ZBBX: variants seen among roughly 807,000 people sequenced by gnomAD.
The protein encoded by ZBBX is zinc finger B-box domain containing.
A neutral mutation model predicts 108.5 loss-of-function variants in ZBBX; 101 were observed. The ratio of observed to expected loss-of-function variants is 0.93; its 90% CI spans 0.79 to 1.10. ZBBX has a LOEUF of 1.10. ZBBX is among the 50% of genes least tolerant of loss of function. The probability of loss-of-function intolerance (pLI) is 0.00; values close to 1 mark genes in which losing one functional copy is unlikely to be tolerated. For missense variants in ZBBX, 1,009 were observed against 941.4 expected, an observed-to-expected ratio of 1.07 and a Z score of -0.94; for synonymous variants, 356 against 323.4, an observed-to-expected ratio of 1.10 and a Z score of -1.08.
chr3:167,243,218 T>C (rs1427574437), intron 20 of ZBBX, among the ~76,000 whole-genome samples: 1 of 152,228 alleles, frequency 6.6e-6, no homozygotes, highest in Non-Finnish European at 1.5e-5. Flanking sequence ...ACAAAGTCTT[T>C]AGGCAAATGT....
chr3:167,231,966 T>C, the ZBBX span, among the ~76,000 whole-genome samples: 2 of 151,870 alleles, frequency 1.3e-5, no homozygotes, highest in Non-Finnish European at 2.9e-5. Context: ...TTTTTACTTC[T>C]ACTTTCCAGA....
chr3:167,348,384 AAAG>A (rs763834018), intron 9 of ZBBX, among the ~76,000 whole-genome samples: 16 of 146,978 alleles, frequency 1.1e-4, no homozygotes, highest in South Asian at 2.2e-4. Context: ...AAAGAAAAGA[AAAG>A]AAGAAGGAGG....
At chr3:167,202,675 C>T in the ZBBX span, among the ~76,000 whole-genome samples, 1 of 152,034 alleles carries the variant, frequency 6.6e-6, no homozygotes, top group African/African-American at 2.4e-5. Context: ...TGTTTTAAAA[C>T]CCTGAAAATG....
At chr3:167,317,796 G>A (rs1372851843) in intron 12 of ZBBX, among the ~76,000 whole-genome samples, 199 bp from the exon 13 acceptor site, 4 of 151,902 alleles carry the variant, frequency 2.6e-5, no homozygotes, top group African/African-American at 4.8e-5. Context: ...AAATCAACTT[G>A]ACATCACAGA....
chr3:167,223,990 C>T, the ZBBX span, among the ~76,000 whole-genome samples: 1 of 151,884 alleles, frequency 6.6e-6, no homozygotes, highest in Admixed American at 6.6e-5. Flanking sequence ...ATGCCTGAAG[C>T]ACTTTAACCT....
At chr3:167,261,584 A>G (rs1051137996) in intron 20 of ZBBX, among the ~76,000 whole-genome samples, 1 of 151,732 alleles carries the variant, frequency 6.6e-6, no homozygotes, top group African/African-American at 2.4e-5. Context: ...GCCTCTGCTG[A>G]GTCATGCAGG....
intron 6 of ZBBX, among the ~76,000 whole-genome samples, chr3:167,363,507 C>T (rs761105224): frequency 5.9e-5 from 9 of 151,868 alleles, no homozygotes; most frequent in Non-Finnish European, 1.2e-4. Flanking sequence ...TTTCTTGTCT[C>T]ACACACACAC....
chr3:167,270,772 C>G (rs1188603345), intron 20 of ZBBX, among the ~76,000 whole-genome samples: 1 of 152,202 alleles, frequency 6.6e-6, no homozygotes, highest in Non-Finnish European at 1.5e-5. Context: ...CTTACTGACT[C>G]CAGAATCCTG....
At chr3:167,339,882 A>G (rs1485839970) in intron 9 of ZBBX, among the ~76,000 whole-genome samples, 1 of 151,896 alleles carries the variant, frequency 6.6e-6, no homozygotes, top group Non-Finnish European at 1.5e-5. Context: ...ATGTGTTCTC[A>G]TTGTTCAACT....
chr3:167,248,247 G>A (rs4955766), intron 20 of ZBBX, among the ~76,000 whole-genome samples: 108,024 of 151,918 alleles, frequency 0.71, 38,722 homozygotes, highest in East Asian at 0.83. Context: ...AAGCTGCGAC[G>A]GTAACCATGA....
the ZBBX span, among the ~76,000 whole-genome samples, chr3:167,206,188 T>C: frequency 6.6e-6 from 1 of 152,118 alleles, no homozygotes; most frequent in Non-Finnish European, 1.5e-5. Context: ...TCCATTTCTA[T>C]GTATTTGACT....
At chr3:167,274,676 G>A (rs1727162842) in intron 20 of ZBBX, among the ~76,000 whole-genome samples, 1 of 152,082 alleles carries the variant, frequency 6.6e-6, no homozygotes, top group Non-Finnish European at 1.5e-5. Flanking sequence ...ACTCACATCT[G>A]TTCCCTTGGT....
intron 8 of ZBBX, among the ~76,000 whole-genome samples, chr3:167,358,566 G>C (rs555198712): frequency 6.6e-6 from 1 of 152,104 alleles, no homozygotes; most frequent in African/African-American, 2.4e-5. Context: ...CATGAAATTG[G>C]TACCAATGAG....
chr3:167,239,026 A>G (rs1720348512), downstream of ZBBX, among the ~76,000 whole-genome samples: 1 of 151,992 alleles, frequency 6.6e-6, no homozygotes, highest in African/African-American at 2.4e-5. Context: ...CAGTTGATCT[A>G]TCTATAGAAA....
chr3:167,314,631 A>G (rs1735132818), intron 15 of ZBBX, among the ~76,000 whole-genome samples: 1 of 152,206 alleles, frequency 6.6e-6, no homozygotes, highest in Non-Finnish European at 1.5e-5. Context: ...AATACCTGAT[A>G]TTTATATAAG....
chr3:167,220,279 C>CA, the ZBBX span, among the ~76,000 whole-genome samples: 2 of 151,648 alleles, frequency 1.3e-5, no homozygotes, highest in African/African-American at 4.8e-5. Context: ...GAAGACACAT[C>CA]AAAAAAAGAA....
chr3:167,325,134 A>G (rs560169504), intron 11 of ZBBX, among the ~76,000 whole-genome samples: 1 of 152,248 alleles, frequency 6.6e-6, no homozygotes, highest in South Asian at 2.1e-4. Context: ...GTCTTCTTCT[A>G]CTTGCTTTCC....
the ZBBX span, among the ~76,000 whole-genome samples, chr3:167,226,820 G>T: frequency 6.6e-6 from 1 of 151,640 alleles, no homozygotes. Context: ...AAATATGAAT[G>T]GAAGTGGCAT....
the ZBBX span, among the ~76,000 whole-genome samples, chr3:167,191,374 C>T: frequency 6.6e-6 from 1 of 152,210 alleles, no homozygotes; most frequent in Admixed American, 6.5e-5. Context: ...ATTCTTTTCT[C>T]TGATACGGTT....
Sources: allele counts gnomAD v4.1 joint callset (sites outside exome capture counted in the v4.1 genomes callset), GRCh38; gene constraint gnomAD v4.1.1; transcripts MANE v1.5; gene names NCBI Gene and HGNC (gene_info 2026-07-23, HGNC 2026-07-21).